The following SLC38A4 variants were observed in gnomAD, a reference collection of about 807,000 sequenced individuals.
The protein encoded by SLC38A4 is solute carrier family 38 member 4.
SLC38A4 carries 20 observed loss-of-function variants against 63.1 expected under a neutral mutation model. The ratio of observed to expected loss-of-function variants is 0.32; its 90% confidence interval spans 0.22 to 0.46. The LOEUF (loss-of-function observed/expected upper bound fraction) is 0.46. Ranked by LOEUF, SLC38A4 falls within the 20% of genes least tolerant of loss-of-function variation. The probability of loss-of-function intolerance (pLI) is 1.00; values close to 1 mark genes in which losing one functional copy is unlikely to be tolerated. For synonymous variants in SLC38A4, 230 were observed against 225.5 expected, an observed-to-expected ratio of 1.02 and a Z score of -0.18; for missense variants, 526 against 663.6, an observed-to-expected ratio of 0.79 and a Z score of 2.28.
chr12:46,785,271 T>C (rs1249022199), intron 5 of SLC38A4, 94 bp from the exon 6 acceptor site: 3 of 1,017,368 alleles, frequency 2.9e-6, no homozygotes, highest in Non-Finnish European at 4.5e-6. Context: ...ATTAATCTTT[T>C]CAATCATCAG....
chr12:46,803,428 T>C (rs1005243505), intron 2 of SLC38A4, among the ~76,000 whole-genome samples, 175 bp downstream of exon 2: 1 of 152,060 alleles, frequency 6.6e-6, no homozygotes, highest in Non-Finnish European at 1.5e-5. Flanking sequence ...CCTGGGTAAA[T>C]AATTTCAATG....
intron 1 of SLC38A4, among the ~76,000 whole-genome samples, chr12:46,804,636 T>C (rs943831375): frequency 6.6e-6 from 1 of 152,058 alleles, no homozygotes; most frequent in Non-Finnish European, 1.5e-5. Flanking sequence ...TATTCTTAAG[T>C]CGATGCAAGA....
chr12:46,823,845 C>T (rs4482114), intron 1 of SLC38A4, among the ~76,000 whole-genome samples: 19,458 of 152,160 alleles, frequency 0.13, 1,947 homozygotes, highest in African/African-American at 0.28. Flanking sequence ...ATGCATTTCC[C>T]TTGGCTAGTT....
chr12:46,816,759 C>A (rs10881003), intron 1 of SLC38A4, among the ~76,000 whole-genome samples: 5 of 151,822 alleles, frequency 3.3e-5, no homozygotes, highest in African/African-American at 1.2e-4. Flanking sequence ...GGCTACTGAA[C>A]GGTTTTCTAA....
intron 1 of SLC38A4, among the ~76,000 whole-genome samples, chr12:46,825,608 T>C (rs1472388059): frequency 6.6e-6 from 1 of 152,140 alleles, no homozygotes; most frequent in Non-Finnish European, 1.5e-5. Flanking sequence ...CCTTTAACAA[T>C]AGAGGTCAGT....
At chr12:46,782,502 G>A (rs1938664261) in intron 7 of SLC38A4, among the ~76,000 whole-genome samples, 3 of 151,918 alleles carry the variant, frequency 2.0e-5, no homozygotes, top group South Asian at 4.1e-4. Flanking sequence ...TGTTGAATTA[G>A]GCATAGGGGA....
intron 4 of SLC38A4, among the ~76,000 whole-genome samples, chr12:46,788,257 G>A (rs2120814842): frequency 6.6e-6 from 1 of 152,230 alleles, no homozygotes; most frequent in East Asian, 1.9e-4. Flanking sequence ...ATTACAAGGG[G>A]AGTCACATAA....
At chr12:46,785,700 A>T (rs1451304191) in intron 5 of SLC38A4, among the ~76,000 whole-genome samples, 1 of 148,668 alleles carries the variant, frequency 6.7e-6, no homozygotes, top group African/African-American at 2.5e-5. Flanking sequence ...TATATAATAG[A>T]GAAAGCAGAG....
At chr12:46,794,916 A>G (rs1314175714) in intron 2 of SLC38A4, among the ~76,000 whole-genome samples, 1 of 151,950 alleles carries the variant, frequency 6.6e-6, no homozygotes, top group Non-Finnish European at 1.5e-5. Flanking sequence ...GCCTAAATGT[A>G]TATACATAAA....
intron 4 of SLC38A4, 133 bp from the exon 5 acceptor site, chr12:46,788,164 C>T: frequency 1.6e-6 from 1 of 632,510 alleles, no homozygotes; most frequent in Non-Finnish European, 2.8e-6. Context: ...AGGAGTAAAG[C>T]CATTACTCAA....
chr12:46,780,783 T>A (rs954938059), intron 7 of SLC38A4, among the ~76,000 whole-genome samples: 2 of 151,996 alleles, frequency 1.3e-5, no homozygotes, highest in Non-Finnish European at 2.9e-5. Flanking sequence ...TGTATTCATA[T>A]ACATAACATT....
rs1489640164 is a variant in SLC38A4, at chr12:46,766,235, AC to A, written c.*465del. On this transcript the variant is annotated 3_prime_UTR_variant, in exon 17 of 17. Coordinates refer to ENST00000266579, the MANE Select transcript of SLC38A4 (RefSeq NM_018018.5). ...GCCTTTTGCCTCTGTTAGTAAACAG[AC>A]CAGAGACTTTGGTGCAAGACTGAGA... 2 of 384,898 alleles carry A rather than the reference AC, an allele frequency of 5.2e-6. No individual in the cohort carries two copies. Among genetic ancestry groups the A allele is most frequent in the African/African-American group, 4.2e-5 (2 of 47,822 alleles). 23.8% of individuals were successfully genotyped at this position (384,898 alleles called of 1,614,324 possible). A position where few individuals can be genotyped will look rare whatever the true frequency, so the allele number is the denominator to read the frequency against.
chr12:46,768,791 A>G (rs1044252658), intron 15 of SLC38A4, among the ~76,000 whole-genome samples: 1 of 152,094 alleles, frequency 6.6e-6, no homozygotes, highest in African/African-American at 2.4e-5. Flanking sequence ...GATTGTGTTT[A>G]AAGTTTAAGT....
intron 14 of SLC38A4, among the ~76,000 whole-genome samples, chr12:46,772,313 G>A (rs446993): frequency 0.35 from 52,637 of 151,578 alleles, 9,820 homozygotes; most frequent in Middle Eastern, 0.56. Flanking sequence ...AGATCTGAAG[G>A]CAACATAAGT....
intron 10 of SLC38A4, 82 bp from the exon 11 acceptor site, chr12:46,778,858 T>G (rs1434550186): frequency 1.1e-5 from 14 of 1,329,464 alleles, no homozygotes; most frequent in Non-Finnish European, 1.5e-5. Context: ...GTGTGGCTTA[T>G]AGGGTGGGGG....
chr12:46,828,221 G>A (rs1032136610), upstream of SLC38A4, among the ~76,000 whole-genome samples: 2 of 152,132 alleles, frequency 1.3e-5, no homozygotes, highest in Non-Finnish European at 2.9e-5. Flanking sequence ...GGTACCACCT[G>A]GTCTTGAAAT....
At chr12:46,802,772 G>A (rs1939157232) in intron 2 of SLC38A4, among the ~76,000 whole-genome samples, 2 of 151,934 alleles carry the variant, frequency 1.3e-5, no homozygotes, top group Admixed American at 6.6e-5. Flanking sequence ...CTTCCACTGA[G>A]TTACAAAACA....
At chr12:46,828,572 C>T (rs1475712164), upstream of SLC38A4, among the ~76,000 whole-genome samples, 1 of 152,198 alleles carries the variant, frequency 6.6e-6, no homozygotes, top group East Asian at 1.9e-4. Flanking sequence ...ATCCACTCTC[C>T]TCAGCCTCCC....
At chr12:46,789,156 C>T (rs577602669) in intron 3 of SLC38A4, among the ~76,000 whole-genome samples, 1 of 151,526 alleles carries the variant, frequency 6.6e-6, no homozygotes, top group South Asian at 2.1e-4. Flanking sequence ...ACCCCATTCT[C>T]CCCCTGGCAT....
Sources: allele counts gnomAD v4.1 joint callset (sites outside exome capture counted in the v4.1 genomes callset), GRCh38; gene constraint gnomAD v4.1.1; transcripts MANE v1.5; gene names NCBI Gene and HGNC (gene_info 2026-07-23, HGNC 2026-07-21).